Variants in CRYBG1 observed in about 807,000 individuals in gnomAD.
CRYBG1 encodes the protein crystallin beta-gamma domain containing 1.
A neutral mutation model predicts 189.2 loss-of-function variants in CRYBG1; 139 were observed. The ratio of observed to expected loss-of-function variants is 0.73; its 90% CI spans 0.64 to 0.85. The LOEUF is 0.85. Among genes scored for constraint, CRYBG1 ranks in the 40% least tolerant of loss-of-function variants. CRYBG1 has a pLI of 0.00. For missense variants in CRYBG1, 2,611 were observed against 2,675.8 expected (o/e 0.98, Z 0.53); for synonymous variants, 1,023 against 1,017.1 (o/e 1.01, Z -0.11).
intron 21 of CRYBG1, among the ~76,000 whole-genome samples, chr6:106,565,111 A>G (rs1010584511): frequency 6.6e-6 from 1 of 152,126 alleles, no homozygotes; most frequent in African/African-American, 2.4e-5. Context: ...CGAGGTCAGG[A>G]GATCGAGACC....
At chr6:106,438,240 A>G (rs888430155) in intron 1 of CRYBG1, among the ~76,000 whole-genome samples, 2 of 152,202 alleles carry the variant, frequency 1.3e-5, no homozygotes, top group African/African-American at 4.8e-5. Flanking sequence ...TGATGCCAGA[A>G]ATACCTGTTA....
intron 1 of CRYBG1, among the ~76,000 whole-genome samples, chr6:106,410,985 C>T (rs1770918890): frequency 6.6e-6 from 1 of 152,036 alleles, no homozygotes; most frequent in Non-Finnish European, 1.5e-5. Flanking sequence ...ACGTTCTGCA[C>T]ATGTATCCCA....
intron 1 of CRYBG1, among the ~76,000 whole-genome samples, chr6:106,422,798 G>C (rs1234455638): frequency 6.6e-6 from 1 of 152,086 alleles, no homozygotes; most frequent in Non-Finnish European, 1.5e-5. Context: ...CAAGTAATGG[G>C]GACTGAGTCA....
At position 106,519,455 on chromosome 6, in the gene CRYBG1, A is replaced by G; in HGVS notation, c.2247A>G (p.Ile749Met). Residue 749 changes from isoleucine to methionine, a missense_variant, in exon 4 of 22, where the codon ATA becomes ATG. Transcript: ENST00000633556. The part of the protein sequence containing the change: ...QNGVLVKETA[I>M]ETKVTVSEEE... Reference sequence around the variant, plus strand: ...GTGTGCTGGTTAAGGAAACTGCTATAGAAACCAAAGTTACCGTCTCGGAAG... The same window carrying G: ...GTGTGCTGGTTAAGGAAACTGCTATGGAAACCAAAGTTACCGTCTCGGAAG... The G allele has an allele frequency of 6.2e-7, 1 of 1,614,152 alleles. No homozygotes were observed. Among genetic ancestry groups the G allele is most frequent in the Non-Finnish European group, 8.5e-7 (1 of 1,180,044 alleles).
chr6:106,439,600 T>A (rs766138625), intron 1 of CRYBG1, among the ~76,000 whole-genome samples: 142 of 152,320 alleles, frequency 9.3e-4, no homozygotes, highest in Admixed American at 1.8e-3. Context: ...TAACACTCCC[T>A]AATTTAAAAT....
intron 1 of CRYBG1, among the ~76,000 whole-genome samples, chr6:106,421,968 G>T (rs1439911781): frequency 2.6e-5 from 3 of 113,220 alleles, no homozygotes; most frequent in African/African-American, 8.3e-5. Flanking sequence ...CATGAGAACA[G>T]CATGGGAAAG....
chr6:106,565,530 C>A (rs895597232), intron 21 of CRYBG1, among the ~76,000 whole-genome samples: 4 of 152,098 alleles, frequency 2.6e-5, no homozygotes, highest in African/African-American at 9.7e-5. Context: ...CAGACAGAAT[C>A]TGAGAAGTTG....
At position 106,477,392 on chromosome 6, in the gene CRYBG1, T is replaced by G. The variant is rs1462245352; in HGVS notation, c.312+25560T>G. Among the ~76,000 whole-genome samples, 9 of 152,128 alleles carry G rather than the reference T, an allele frequency of 5.9e-5. No homozygotes were observed. The East Asian group carries it at 1.7e-3, about 29-fold the overall frequency. On this transcript the variant is annotated intron_variant, in intron 2 of 21. Coordinates refer to ENST00000633556, the MANE Select transcript of CRYBG1 (RefSeq NM_001371242.2). The stretch of plus-strand genomic sequence containing the variant: ...ACGTTTGCTTTGTGCTTTCAGTAGA[T>G]AGTTAATATCCATTTAAAGGATGTT...
chr6:106,413,152 G>C (rs932450718), intron 1 of CRYBG1, among the ~76,000 whole-genome samples: 11 of 152,084 alleles, frequency 7.2e-5, no homozygotes, highest in African/African-American at 2.7e-4. Flanking sequence ...CCCATAGCCA[G>C]CAATTCCTGC....
At chr6:106,387,714 G>A (rs546580982) in intron 1 of CRYBG1, among the ~76,000 whole-genome samples, 36 of 152,242 alleles carry the variant, frequency 2.4e-4, no homozygotes, top group Admixed American at 3.3e-4. Context: ...TTGTGGGGAG[G>A]GGTGTCTCTA....
At chr6:106,418,637 G>T (rs755345504) in intron 1 of CRYBG1, among the ~76,000 whole-genome samples, 11 of 152,150 alleles carry the variant, frequency 7.2e-5, no homozygotes, top group Non-Finnish European at 1.3e-4. Context: ...CAATGACTTA[G>T]GTTCATAATT....
At chr6:106,528,308 C>G (rs1465028286) in intron 7 of CRYBG1, among the ~76,000 whole-genome samples, 1 of 152,132 alleles carries the variant, frequency 6.6e-6, no homozygotes, top group Non-Finnish European at 1.5e-5. Context: ...TTGAGAAACC[C>G]TATTTCAAAA....
rs771975397 is a variant in CRYBG1 at position 106,544,794 on chromosome 6, T to C, written c.5173T>C (p.Ser1725Pro). ...GAATTTTTTTTCTCAATAGGATTTT[T>C]CAAATGCTCACATGATAATGTACAG... ...QSLRPILGDF[S>P]NAHMIMYSEK... Residue 1725 changes from serine to proline, a missense_variant, in exon 13 of 22, where the codon TCA becomes CCA. By Grantham distance (74) the Ser-to-Pro change is moderately conservative. Transcript: ENST00000633556. 2 of 1,602,138 alleles carry C rather than the reference T, an allele frequency of 1.2e-6. No homozygotes were observed. The highest frequency in any genetic ancestry group is 1.7e-6 in the Non-Finnish European group (2 of 1,176,836).
chr6:106,523,017 G>C (rs919229005), intron 4 of CRYBG1, among the ~76,000 whole-genome samples: 1 of 152,094 alleles, frequency 6.6e-6, no homozygotes. Context: ...TAATTGCTGA[G>C]AAAATTGTAA....
intron 13 of CRYBG1, among the ~76,000 whole-genome samples, chr6:106,548,839 C>T (rs1030930067): frequency 2.6e-5 from 4 of 151,046 alleles, no homozygotes; most frequent in African/African-American, 7.3e-5. Flanking sequence ...GTGTGCTGCA[C>T]CCATTAACTC....
At chr6:106,386,156 C>G (rs923376323) in intron 1 of CRYBG1, among the ~76,000 whole-genome samples, 1 of 152,184 alleles carries the variant, frequency 6.6e-6, no homozygotes, top group African/African-American at 2.4e-5. Flanking sequence ...TGCAATGAAC[C>G]TGTAACTTCA....
At chr6:106,389,275 C>A (rs1315864966) in intron 1 of CRYBG1, among the ~76,000 whole-genome samples, 3 of 151,916 alleles carry the variant, frequency 2.0e-5, no homozygotes, top group African/African-American at 7.2e-5. Context: ...GTGGAATGTT[C>A]TTTTCCCATT....
chr6:106,533,762 A>C (rs1278824963), intron 8 of CRYBG1, among the ~76,000 whole-genome samples: 4 of 152,208 alleles, frequency 2.6e-5, no homozygotes, highest in African/African-American at 9.6e-5. Context: ...AGTGAGATTC[A>C]GGAGCTCAGT....
Position 106,511,530 on chromosome 6 carries a change from TAG to T in CRYBG1, c.418_419del (p.Pro141HisfsTer18). 2 of 1,535,706 alleles carry T rather than the reference TAG, an allele frequency of 1.3e-6. No individual in the cohort carries two copies. The highest frequency in any genetic ancestry group is 1.7e-4 in the Middle Eastern group (1 of 5,984). On this transcript the variant is annotated frameshift_variant, in exon 3 of 22. Coordinates refer to ENST00000633556, the MANE Select transcript of CRYBG1 (RefSeq NM_001371242.2). LOFTEE classifies it high-confidence loss of function. ...AGGAGAAGAAACAGTAGAAACGGGT[TAG>T]AGAGTCCCACCAGATCAAATGCCAA...
Sources: gnomAD v4.1 joint callset for allele counts (sites outside exome capture counted in the v4.1 genomes callset) on GRCh38, gnomAD v4.1.1 for gene constraint, MANE v1.5 for transcripts, NCBI Gene and HGNC (gene_info 2026-07-23, HGNC 2026-07-21) for gene names.